The following ZBTB20 variants were observed in gnomAD, a reference collection of about 807,000 sequenced individuals.
The protein encoded by ZBTB20 is zinc finger and BTB domain containing 20, also known as zinc finger and BTB domain-containing protein 20.
Under a neutral mutation model 56.9 loss-of-function variants are expected in ZBTB20, and 9 were observed. The observed-to-expected ratio is 0.16, with a 90% confidence interval of 0.10 to 0.28. The LOEUF (loss-of-function observed/expected upper bound fraction) is 0.28. Ranked by LOEUF, ZBTB20 falls within the 10% of genes least tolerant of loss-of-function variation. The probability of loss-of-function intolerance (pLI) is 1.00; values close to 1 mark genes in which losing one functional copy is unlikely to be tolerated. For synonymous variants in ZBTB20, 417 were observed against 420.7 expected (o/e 0.99, Z 0.11); for missense variants, 655 against 1,003.0 (o/e 0.65, Z 4.69).
chr3:114,891,897 A>C (rs2076824738), intron 4 of ZBTB20, among the ~76,000 whole-genome samples: 1 of 152,058 alleles, frequency 6.6e-6, no homozygotes, highest in Non-Finnish European at 1.5e-5. Context: ...AATACAAAAA[A>C]CTAGACGGGT....
intron 10 of ZBTB20, chr3:114,379,301 A>G (rs986831485): frequency 6.6e-6 from 1 of 152,222 alleles, no homozygotes; most frequent in African/African-American, 2.4e-5. Flanking sequence ...GACATCCTTT[A>G]TGGAGATCAG....
At chr3:114,840,787 G>A (rs2074352887) in intron 4 of ZBTB20, among the ~76,000 whole-genome samples, 2 of 152,064 alleles carry the variant, frequency 1.3e-5, no homozygotes. Context: ...AAGAATATAG[G>A]AATCATGCAG....
At chr3:114,494,818 T>C (rs2043104995) in intron 7 of ZBTB20, among the ~76,000 whole-genome samples, 1 of 152,228 alleles carries the variant, frequency 6.6e-6, no homozygotes, top group Non-Finnish European at 1.5e-5. Context: ...TTATAAAAAT[T>C]TTGGTTCCCT....
At chr3:114,455,144 A>G (rs1221940981) in intron 7 of ZBTB20, among the ~76,000 whole-genome samples, 1 of 151,686 alleles carries the variant, frequency 6.6e-6, no homozygotes, top group Non-Finnish European at 1.5e-5. Context: ...GGAGGGAGAG[A>G]GAGAGAAAAG....
chr3:114,482,536 T>C (rs1472654484), intron 7 of ZBTB20, among the ~76,000 whole-genome samples: 6 of 152,008 alleles, frequency 3.9e-5, no homozygotes, highest in African/African-American at 7.3e-5. Context: ...GGAGAAGATA[T>C]TATCTTAATC....
At chr3:114,383,463 A>G (rs187592655) in intron 8 of ZBTB20, among the ~76,000 whole-genome samples, 2 of 152,274 alleles carry the variant, frequency 1.3e-5, no homozygotes, top group Admixed American at 6.5e-5. Flanking sequence ...TTCCTACCTG[A>G]CATCTTGTAT....
At chr3:115,100,704 C>G (rs376403592) in intron 1 of ZBTB20, 2 of 152,260 alleles carry the variant, frequency 1.3e-5, no homozygotes, top group East Asian at 3.9e-4. Context: ...TCTGGCAGTA[C>G]ATGTAATTAT....
chr3:114,324,533 C>T lies in ZBTB20; in HGVS notation c.*14472G>A, dbSNP rs1170349306. The T allele has an allele frequency of 6.6e-6, 1 of 151,848 alleles. No individual in the cohort carries two copies. 9.4% of individuals were successfully genotyped at this position (151,848 alleles called of 1,614,324 possible). ...CTGACTACACATAAATACAGATATA[C>T]ATACACATACACAGAAATTCTCAAG... On this transcript the variant is annotated 3_prime_UTR_variant, in exon 12 of 12. Coordinates refer to ENST00000675478, the MANE Select transcript of ZBTB20 (RefSeq NM_001348800.3).
chr3:115,097,338 C>G (rs760867909), intron 1 of ZBTB20, among the ~76,000 whole-genome samples: 3 of 152,022 alleles, frequency 2.0e-5, no homozygotes, highest in Non-Finnish European at 4.4e-5. Flanking sequence ...ACCACCACGC[C>G]CAGGTAGTTT....
intron 5 of ZBTB20, among the ~76,000 whole-genome samples, chr3:114,787,205 TG>T (rs2070562789): frequency 6.6e-6 from 1 of 151,428 alleles, no homozygotes; most frequent in Admixed American, 6.6e-5. Context: ...TTCGAATTCC[TG>T]GGCTCAAGCA....
chr3:114,981,514 G>T (rs1301427031), intron 2 of ZBTB20, among the ~76,000 whole-genome samples: 1 of 152,032 alleles, frequency 6.6e-6, no homozygotes, highest in African/African-American at 2.4e-5. Flanking sequence ...ATAGAAGGCA[G>T]AGTCAAAGAG....
At chr3:115,002,299 T>C (rs2079285135) in intron 2 of ZBTB20, among the ~76,000 whole-genome samples, 3 of 151,576 alleles carry the variant, frequency 2.0e-5, no homozygotes, top group Admixed American at 1.3e-4. Flanking sequence ...GAACATCTAG[T>C]TGATCTTGGG....
intron 1 of ZBTB20, among the ~76,000 whole-genome samples, chr3:115,137,016 G>A (rs933673539): frequency 2.0e-5 from 3 of 152,002 alleles, no homozygotes; most frequent in Non-Finnish European, 4.4e-5. Context: ...GAGGAGAAAG[G>A]TGCCATGCAC....
At chr3:114,601,655 C>T (rs2107631668) in intron 6 of ZBTB20, among the ~76,000 whole-genome samples, 1 of 151,862 alleles carries the variant, frequency 6.6e-6, no homozygotes, top group South Asian at 2.1e-4. Flanking sequence ...GAGTTATGGC[C>T]TAAAGAAATG....
rs1354981775 is a variant in ZBTB20 at position 114,702,566 on chromosome 3, GAAC to G, written c.-342-8994_-342-8992del. Among the ~76,000 whole-genome samples the G allele has an allele frequency of 2.0e-5, 3 of 151,842 alleles. No individual in the cohort carries two copies. In the East Asian group the frequency reaches 5.8e-4, roughly 29 times the overall value. On this transcript the variant is annotated intron_variant, in intron 5 of 11. Transcript: ENST00000675478. The stretch of plus-strand genomic sequence containing the variant: ...TTACACCAGGAGAAAAGGAAACAAA[GAAC>G]AAGAAAAGAGGAGTATGTGTATGTA...
intron 2 of ZBTB20, among the ~76,000 whole-genome samples, chr3:115,066,730 C>G (rs1031392959): frequency 6.6e-6 from 1 of 152,086 alleles, no homozygotes; most frequent in African/African-American, 2.4e-5. Flanking sequence ...TGTGGCTCTT[C>G]ACCTTGCATG....
intron 8 of ZBTB20, 28 bp from the exon 9 acceptor site, chr3:114,380,968 G>T: frequency 2.4e-6 from 1 of 412,892 alleles, no homozygotes; most frequent in South Asian, 8.5e-5. Context: ...TGGATTAGAA[G>T]GCCTTAAAGG....
In ZBTB20 at chr3:114,364,312, A is replaced by T. The variant is rs564028660; in HGVS notation, c.200-12434T>A. ...TCTAAAAATACAAAATTAGCTGGGC[A>T]TGGTGGCGCATGCCTATAATTCGAG... On this transcript the variant is annotated intron_variant, in intron 10 of 11. Transcript: ENST00000675478. Among the ~76,000 whole-genome samples the T allele has an allele frequency of 2.0e-5, 3 of 152,254 alleles. No homozygotes were observed. In the East Asian group the frequency reaches 5.8e-4, roughly 29 times the overall value.
At chr3:114,385,031 C>T (rs1021255799) in intron 8 of ZBTB20, among the ~76,000 whole-genome samples, 4 of 152,136 alleles carry the variant, frequency 2.6e-5, no homozygotes, top group African/African-American at 9.7e-5. Flanking sequence ...TTCACCCTAT[C>T]CCAATTTTCT....
Sources: allele counts gnomAD v4.1 joint callset (sites outside exome capture counted in the v4.1 genomes callset), GRCh38; gene constraint gnomAD v4.1.1; transcripts MANE v1.5; gene names NCBI Gene and HGNC (gene_info 2026-07-23, HGNC 2026-07-21).